The following GPC5 variants were observed in gnomAD, a reference collection of about 807,000 sequenced individuals.
GPC5 encodes the protein glypican-5.
A neutral mutation model predicts 53.9 loss-of-function variants in GPC5; 47 were observed. The observed-to-expected ratio is 0.87, with a 90% CI of 0.69 to 1.11. The LOEUF (loss-of-function observed/expected upper bound fraction) is 1.11. GPC5 is among the 50% of genes most tolerant of loss of function. The pLI is 0.00. For missense variants in GPC5, 748 were observed against 713.1 expected (o/e 1.05, Z -0.56); for synonymous variants, 286 against 263.3 (o/e 1.09, Z -0.84).
chr13:92,745,256 A>C (rs1419250567), intron 7 of GPC5, among the ~76,000 whole-genome samples: 1 of 152,102 alleles, frequency 6.6e-6, no homozygotes, highest in Non-Finnish European at 1.5e-5. Flanking sequence ...ATGATGATTC[A>C]TGCTTTGAGA....
chr13:91,858,590 C>T (rs981098571), intron 5 of GPC5, among the ~76,000 whole-genome samples: 2 of 151,880 alleles, frequency 1.3e-5, no homozygotes, highest in African/African-American at 2.4e-5. Context: ...AGCATTTTTG[C>T]GTCAATGTTC....
intron 7 of GPC5, among the ~76,000 whole-genome samples, chr13:92,603,038 A>G (rs1309463485): frequency 2.0e-5 from 3 of 152,234 alleles, no homozygotes; most frequent in Non-Finnish European, 4.4e-5. Context: ...ATCTGAGCCT[A>G]TGTACATAGT....
chr13:92,202,790 A>T (rs2042304428), intron 7 of GPC5, among the ~76,000 whole-genome samples: 1 of 152,168 alleles, frequency 6.6e-6, no homozygotes, highest in African/African-American at 2.4e-5. Flanking sequence ...AAACTAAATT[A>T]TCCCACATTC....
rs192349403 is a variant in GPC5 at position 91,734,303 on chromosome 13, C to T, written c.1154+5638C>T. On this transcript the variant is annotated intron_variant, in intron 4 of 7. Coordinates refer to ENST00000377067, the MANE Select transcript of GPC5 (RefSeq NM_004466.6). ...CCGAATTTCAGGAATTTCAATTTGG[C>T]GTTCACTCCGTGAGTTGGGGACTCT... 4.4e-4 allele frequency among the ~76,000 whole-genome samples: 66 copies of T among 151,370 alleles called. 3 individuals carry two copies. Among genetic ancestry groups the T allele is most frequent in the African/African-American group, 1.5e-3 (62 of 40,742 alleles).
intron 5 of GPC5, among the ~76,000 whole-genome samples, chr13:91,757,654 A>G (rs1056542853): frequency 2.0e-5 from 3 of 152,252 alleles, no homozygotes; most frequent in African/African-American, 7.2e-5. Context: ...CCCTTATGCC[A>G]TGATTAAAAG....
chr13:92,155,771 C>T (rs1292529193), intron 7 of GPC5, among the ~76,000 whole-genome samples: 3 of 152,028 alleles, frequency 2.0e-5, no homozygotes, highest in African/African-American at 7.2e-5. Flanking sequence ...TTTGAGATCT[C>T]TAACTTCTTT....
chr13:91,531,637 AG>A (rs1207681160), intron 2 of GPC5, among the ~76,000 whole-genome samples: 1 of 152,228 alleles, frequency 6.6e-6, no homozygotes, highest in Non-Finnish European at 1.5e-5. Flanking sequence ...CTTTATACTC[AG>A]TTCTTATTCA....
intron 6 of GPC5, among the ~76,000 whole-genome samples, chr13:92,099,969 C>A (rs1431819785): frequency 6.6e-6 from 1 of 152,126 alleles, no homozygotes; most frequent in African/African-American, 2.4e-5. Context: ...GATCCTCGTG[C>A]TGACCATAAA....
At chr13:91,473,124 A>G (rs1882730186) in intron 2 of GPC5, among the ~76,000 whole-genome samples, 1 of 152,144 alleles carries the variant, frequency 6.6e-6, no homozygotes, top group Admixed American at 6.6e-5. Context: ...GAACTGTTAA[A>G]CACTTATAAA....
intron 2 of GPC5, among the ~76,000 whole-genome samples, chr13:91,568,610 G>A (rs963988061): frequency 6.6e-6 from 1 of 150,996 alleles, no homozygotes; most frequent in African/African-American, 2.4e-5. Context: ...GTATGAAGAC[G>A]GGTCCTTAGA....
chr13:92,010,563 T>G (rs1395593400), intron 6 of GPC5, among the ~76,000 whole-genome samples: 1 of 152,198 alleles, frequency 6.6e-6, no homozygotes, highest in Admixed American at 6.5e-5. Flanking sequence ...GGAGACACTA[T>G]TTTTGGGCAA....
intron 7 of GPC5, among the ~76,000 whole-genome samples, chr13:92,256,935 A>G (rs997751908): frequency 6.6e-6 from 1 of 152,150 alleles, no homozygotes; most frequent in Non-Finnish European, 1.5e-5. Context: ...CACAGCAGTA[A>G]ATAAAAATGC....
chr13:92,651,261 C>A (rs747930785), intron 7 of GPC5, among the ~76,000 whole-genome samples: 24 of 151,586 alleles, frequency 1.6e-4, no homozygotes, highest in Non-Finnish European at 2.5e-4. Flanking sequence ...AATAGAGTTA[C>A]TTTGTAGTGG....
intron 5 of GPC5, among the ~76,000 whole-genome samples, chr13:91,859,466 T>C (rs562617778): frequency 6.6e-6 from 1 of 152,144 alleles, no homozygotes; most frequent in African/African-American, 2.4e-5. Flanking sequence ...CTAGAGTATA[T>C]TGATACATAT....
intron 5 of GPC5, among the ~76,000 whole-genome samples, chr13:91,801,253 T>G (rs145621491): frequency 6.8e-6 from 1 of 146,298 alleles, no homozygotes; most frequent in Non-Finnish European, 1.5e-5. Context: ...CATCCATACT[T>G]TGTGTGTGTG....
intron 5 of GPC5, among the ~76,000 whole-genome samples, chr13:91,806,509 G>A (rs2038225127): frequency 6.6e-6 from 1 of 151,842 alleles, no homozygotes; most frequent in South Asian, 2.1e-4. Context: ...GCATGGCAGG[G>A]GGTGATGCCT....
intron 7 of GPC5, among the ~76,000 whole-genome samples, chr13:92,681,260 G>T (rs1424651286): frequency 6.6e-6 from 1 of 151,992 alleles, no homozygotes; most frequent in Non-Finnish European, 1.5e-5. Context: ...TATATCACAA[G>T]CTCTCAATAA....
intron 5 of GPC5, among the ~76,000 whole-genome samples, chr13:91,860,588 T>A (rs534845449): frequency 1.3e-5 from 2 of 148,756 alleles, no homozygotes; most frequent in East Asian, 4.1e-4. Flanking sequence ...TGGCTCACCA[T>A]AACCTCTGCC....
chr13:91,685,708 T>C (rs1258963455), intron 2 of GPC5, among the ~76,000 whole-genome samples: 1 of 152,306 alleles, frequency 6.6e-6, no homozygotes, highest in South Asian at 2.1e-4. Context: ...GCTCAAAATA[T>C]ATTGGTTGAA....
Sources: allele counts gnomAD v4.1 joint callset (sites outside exome capture counted in the v4.1 genomes callset), GRCh38; gene constraint gnomAD v4.1.1; transcripts MANE v1.5; gene names NCBI Gene and HGNC (gene_info 2026-07-23, HGNC 2026-07-21).